Variants in KIAA0586 observed in about 807,000 individuals in gnomAD.
The protein encoded by KIAA0586 is protein TALPID3.
A neutral mutation model predicts 169.8 loss-of-function variants in KIAA0586; 144 were observed. That is an observed-to-expected ratio of 0.85 (90% CI 0.74 to 0.97). The LOEUF is 0.97. Among genes scored for constraint, KIAA0586 ranks in the 50% least tolerant of loss-of-function variants. The pLI is 0.00. For synonymous variants in KIAA0586, 625 were observed against 612.4 expected (o/e 1.02, Z -0.30); for missense variants, 1,854 against 1,823.0 (o/e 1.02, Z -0.31).
At chr14:58,444,929 A>G (rs1030014137) in intron 6 of KIAA0586, among the ~76,000 whole-genome samples, 57 of 150,990 alleles carry the variant, frequency 3.8e-4, no homozygotes, top group South Asian at 3.2e-3. Flanking sequence ...AAAAAAAAAA[A>G]AAAAAAAAAA....
intron 26 of KIAA0586, among the ~76,000 whole-genome samples, chr14:58,496,344 C>A (rs2043156585): frequency 6.6e-6 from 1 of 152,128 alleles, no homozygotes; most frequent in South Asian, 2.1e-4. Context: ...ATAGAGTATT[C>A]TTAAGGTGTT....
chr14:58,539,799 C>T (rs1306076409), intron 29 of KIAA0586: 1 of 257,896 alleles, frequency 3.9e-6, no homozygotes, highest in East Asian at 7.5e-5. Flanking sequence ...ATACAAATTT[C>T]AGATTTTCTC....
At chr14:58,455,191 T>C (rs749723427) in intron 9 of KIAA0586, among the ~76,000 whole-genome samples, 18 of 152,222 alleles carry the variant, frequency 1.2e-4, no homozygotes, top group Non-Finnish European at 2.5e-4. Context: ...TTTAAAAAAA[T>C]GTTTTCTATC....
At chr14:58,512,091 A>G (rs948759468) in intron 28 of KIAA0586, among the ~76,000 whole-genome samples, 1 of 152,332 alleles carries the variant, frequency 6.6e-6, no homozygotes, top group Middle Eastern at 3.4e-3. Context: ...GTTACTATAT[A>G]TAAAAGCTCT....
At chr14:58,484,890 TTATA>T (rs2042278433) in intron 21 of KIAA0586, among the ~76,000 whole-genome samples, 1 of 32,314 alleles carries the variant, frequency 3.1e-5, no homozygotes, top group African/African-American at 1.3e-4. Flanking sequence ...ATATATATAT[TTATA>T]TATATATATA....
intron 27 of KIAA0586, among the ~76,000 whole-genome samples, chr14:58,508,329 A>G (rs1414198857): frequency 1.3e-5 from 2 of 152,214 alleles, no homozygotes; most frequent in Non-Finnish European, 2.9e-5. Flanking sequence ...GGAACTTTAC[A>G]TAGAATATTC....
At chr14:58,536,255 T>C (rs1240870987) in intron 29 of KIAA0586, among the ~76,000 whole-genome samples, 1 of 152,200 alleles carries the variant, frequency 6.6e-6, no homozygotes, top group Non-Finnish European at 1.5e-5. Flanking sequence ...ATTACCCAAA[T>C]AGTTAACATT....
chr14:58,524,897 G>A (rs1411057834), intron 29 of KIAA0586, among the ~76,000 whole-genome samples: 1 of 152,124 alleles, frequency 6.6e-6, no homozygotes, highest in African/African-American at 2.4e-5. Context: ...AGTAGAGATG[G>A]GGTTTCACCA....
chr14:58,479,691 GT>G (rs983227645), intron 20 of KIAA0586, among the ~76,000 whole-genome samples: 4 of 152,154 alleles, frequency 2.6e-5, no homozygotes, highest in African/African-American at 9.7e-5. Flanking sequence ...TTTGAGTTAA[GT>G]TTTATGGTGT....
intron 20 of KIAA0586, among the ~76,000 whole-genome samples, chr14:58,482,012 C>T (rs1013433155): frequency 1.3e-5 from 2 of 148,934 alleles, no homozygotes; most frequent in Admixed American, 6.7e-5. Context: ...CGGGGTTTCA[C>T]CATGTTAGCC....
downstream of KIAA0586, among the ~76,000 whole-genome samples, chr14:58,552,757 G>C (rs1292316084): frequency 6.6e-6 from 1 of 152,170 alleles, no homozygotes; most frequent in Non-Finnish European, 1.5e-5. Context: ...ATGCACCCCA[G>C]GAGTAGTTCT....
chr14:58,429,047 A>G (rs1392633164), intron 1 of KIAA0586, among the ~76,000 whole-genome samples: 2 of 152,196 alleles, frequency 1.3e-5, no homozygotes, highest in Non-Finnish European at 2.9e-5. Context: ...TACTGCTGTT[A>G]AATTAGACCT....
chr14:58,544,251 T>G (rs1267455166), intron 30 of KIAA0586, among the ~76,000 whole-genome samples: 1 of 152,204 alleles, frequency 6.6e-6, no homozygotes, highest in Non-Finnish European at 1.5e-5. Context: ...TACCACAGTT[T>G]CTTTATCCAA....
intron 29 of KIAA0586, among the ~76,000 whole-genome samples, chr14:58,523,839 C>A (rs1426459102): frequency 6.6e-6 from 1 of 151,860 alleles, no homozygotes; most frequent in African/African-American, 2.4e-5. Flanking sequence ...GCTGGGATTA[C>A]AGGCATGAGC....
chr14:58,442,707 G>A lies in KIAA0586; in HGVS notation c.412G>A (p.Ala138Thr). 6.4e-7 allele frequency: 1 copy of A among 1,553,804 alleles called. No individual in the cohort carries two copies. Among genetic ancestry groups the A allele is most frequent in the Non-Finnish European group, 8.7e-7 (1 of 1,146,946 alleles). Residue 138 changes from alanine (A) to threonine (T), a missense_variant and splice_region_variant, in exon 5 of 31, where the codon GCT (alanine) becomes ACT (threonine). Ala to Thr is a moderately conservative substitution (Grantham distance 58). Coordinates refer to ENST00000652326, the MANE Select transcript of KIAA0586 (RefSeq NM_001329943.3). ...TTTTTATTGCTTTTTTATTTATAGAGCTCAAAGCATGCCTGTTTTTAAGGA... is the reference window on the plus strand; with the variant it reads ...TTTTTATTGCTTTTTTATTTATAGAACTCAAAGCATGCCTGTTTTTAAGGA... ...DALRTVLKQK[A>T]QSMPVFKEVK...
intron 29 of KIAA0586, among the ~76,000 whole-genome samples, chr14:58,525,387 CAGTG>C (rs1481302761): frequency 1.3e-5 from 2 of 151,858 alleles, no homozygotes; most frequent in East Asian, 3.9e-4. Context: ...ACTGGTTAGA[CAGTG>C]GGTGCAGCCC....
At chr14:58,458,401 G>A (rs933916448) in intron 11 of KIAA0586, 72 bp from the exon 12 acceptor site, 1 of 797,492 alleles carries the variant, frequency 1.3e-6, no homozygotes, top group Non-Finnish European at 2.1e-6. Flanking sequence ...CTAGATAAGA[G>A]TTAGATCTGA....
intron 27 of KIAA0586, among the ~76,000 whole-genome samples, chr14:58,501,457 T>C (rs1365760636): frequency 2.6e-5 from 4 of 152,228 alleles, no homozygotes; most frequent in South Asian, 4.1e-4. Flanking sequence ...ACTTAAGAGC[T>C]ACTAGGTATC....
rs1595447258 is a variant in KIAA0586 at position 58,513,965 on chromosome 14, A to G, written c.4429+1338A>G. On this transcript the variant is annotated intron_variant, in intron 29 of 30. Transcript: ENST00000652326. Reference sequence around the variant, plus strand: ...AGGGTTTACAACAGTTGGATTTAATACATTTGAAATGTTTTACATTTAATT... The same window carrying G: ...AGGGTTTACAACAGTTGGATTTAATGCATTTGAAATGTTTTACATTTAATT... 3.9e-5 allele frequency among the ~76,000 whole-genome samples: 6 copies of G among 152,198 alleles called. 1 individual carries two copies. The South Asian group carries it at 1.2e-3, about 32-fold the overall frequency.
Sources: gnomAD v4.1 joint callset for allele counts (sites outside exome capture counted in the v4.1 genomes callset) on GRCh38, gnomAD v4.1.1 for gene constraint, MANE v1.5 for transcripts, NCBI Gene and HGNC (gene_info 2026-07-23, HGNC 2026-07-21) for gene names.